The following ADARB2 variants were observed in gnomAD, a reference collection of about 807,000 sequenced individuals.
The protein encoded by ADARB2 is inactive double-stranded RNA-specific editase B2.
ADARB2 carries 25 observed loss-of-function variants against 62.2 expected under a neutral mutation model. That is an observed-to-expected ratio of 0.40 (90% CI 0.29 to 0.56). The LOEUF (loss-of-function observed/expected upper bound fraction) is 0.56. ADARB2 is among the 20% of genes least tolerant of loss of function. ADARB2 has a pLI of 0.43. For missense variants in ADARB2, 1,071 were observed against 1,077.4 expected (o/e 0.99, Z 0.08); for synonymous variants, 572 against 500.8 (o/e 1.14, Z -1.90).
At chr10:1,373,530 T>G (rs1832392795) in intron 2 of ADARB2, among the ~76,000 whole-genome samples, 1 of 152,226 alleles carries the variant, frequency 6.6e-6, no homozygotes, top group Admixed American at 6.5e-5. Context: ...TGTGTGACTG[T>G]GTGACTGTGT....
chr10:1,387,989 A>G (rs949739026), intron 1 of ADARB2, among the ~76,000 whole-genome samples: 5 of 152,068 alleles, frequency 3.3e-5, no homozygotes, highest in Admixed American at 3.3e-4. Flanking sequence ...TAAAGGGGGA[A>G]AAATAATAGT....
intron 1 of ADARB2, among the ~76,000 whole-genome samples, chr10:1,594,215 CA>C (rs1217194683): frequency 6.6e-6 from 1 of 152,118 alleles, no homozygotes; most frequent in African/African-American, 2.4e-5. Flanking sequence ...GCTTAAAATC[CA>C]GGAGGCAGAG....
intron 1 of ADARB2, among the ~76,000 whole-genome samples, chr10:1,700,317 A>G (rs375179437): frequency 9.0e-4 from 7 of 7,800 alleles, no homozygotes; most frequent in African/African-American, 2.5e-3. Flanking sequence ...CCACTCTACC[A>G]GGAGACCGGG....
chr10:1,437,795 C>T (rs748702959), intron 1 of ADARB2, among the ~76,000 whole-genome samples: 3 of 152,070 alleles, frequency 2.0e-5, no homozygotes, highest in Non-Finnish European at 4.4e-5. Context: ...AAAAGTGACA[C>T]GGAATGTGCA....
intron 1 of ADARB2, among the ~76,000 whole-genome samples, chr10:1,569,591 G>A (rs1191564503): frequency 6.6e-6 from 1 of 152,188 alleles, no homozygotes; most frequent in African/African-American, 2.4e-5. Flanking sequence ...CTGCAGAGGA[G>A]GAGGCCTTTG....
intron 1 of ADARB2, among the ~76,000 whole-genome samples, chr10:1,478,222 A>C (rs1221925199): frequency 1.3e-5 from 2 of 152,150 alleles, no homozygotes; most frequent in Non-Finnish European, 1.5e-5. Flanking sequence ...ATTCTCTTTC[A>C]TGTCTCAGTA....
intron 1 of ADARB2, among the ~76,000 whole-genome samples, chr10:1,616,621 C>T: frequency 7.0e-6 from 1 of 142,784 alleles, no homozygotes; most frequent in Non-Finnish European, 1.5e-5. Flanking sequence ...GGGTTGCATT[C>T]TGTCGCTAGA....
chr10:1,211,026 A>G (rs780965088), intron 7 of ADARB2, among the ~76,000 whole-genome samples: 19 of 152,136 alleles, frequency 1.2e-4, no homozygotes, highest in Non-Finnish European at 2.4e-4. Context: ...GGTGTTGCCA[A>G]TGGCGCTGTG....
intron 1 of ADARB2, among the ~76,000 whole-genome samples, chr10:1,407,228 CA>C (rs1256252160): frequency 1.3e-5 from 2 of 152,228 alleles, no homozygotes; most frequent in Non-Finnish European, 2.9e-5. Context: ...AGCACAGGAA[CA>C]GCCGGGCAGC....
At chr10:1,665,893 T>C (rs937890036) in intron 1 of ADARB2, among the ~76,000 whole-genome samples, 2 of 151,944 alleles carry the variant, frequency 1.3e-5, no homozygotes, top group African/African-American at 4.8e-5. Flanking sequence ...CCACAGTAAA[T>C]GAGGGTGCGG....
intron 1 of ADARB2, among the ~76,000 whole-genome samples, chr10:1,675,586 G>A (rs1026883461): frequency 4.0e-5 from 6 of 151,286 alleles, no homozygotes; most frequent in African/African-American, 1.2e-4. Flanking sequence ...AGGGATGCAC[G>A]GAAGTTCTGG....
chr10:1,718,693 G>A (rs575926062), intron 1 of ADARB2, among the ~76,000 whole-genome samples: 1 of 152,164 alleles, frequency 6.6e-6, no homozygotes, highest in Non-Finnish European at 1.5e-5. Flanking sequence ...CTTTACCTAG[G>A]GGGGCAGCAC....
In ADARB2 at chr10:1,565,337, C is replaced by T. The variant is rs115166240; in HGVS notation, c.100+171714G>A. On this transcript the variant is annotated intron_variant, in intron 1 of 9. Transcript: ENST00000381312. ...AAAAATCATTGCCTGCAACACAGATCGAATGCGTCTTCATGAACCACTATA... is the reference window on the plus strand; with the variant it reads ...AAAAATCATTGCCTGCAACACAGATTGAATGCGTCTTCATGAACCACTATA... 1.8e-3 allele frequency among the ~76,000 whole-genome samples: 279 copies of T among 152,256 alleles called. 3 individuals carry two copies. The highest frequency in any genetic ancestry group is 6.4e-3 in the African/African-American group (266 of 41,546).
intron 1 of ADARB2, among the ~76,000 whole-genome samples, chr10:1,409,206 C>T (rs191906580): frequency 1.5e-4 from 13 of 86,586 alleles, no homozygotes; most frequent in Admixed American, 1.5e-4. Context: ...TGCCTGACAG[C>T]GGGCTCCCAC....
At chr10:1,563,442 G>T (rs1475455277) in intron 1 of ADARB2, among the ~76,000 whole-genome samples, 1 of 152,104 alleles carries the variant, frequency 6.6e-6, no homozygotes, top group Admixed American at 6.5e-5. Context: ...GATGCTTGCT[G>T]CTGGCTATAG....
chr10:1,520,735 A>T (rs1050933707), intron 1 of ADARB2, among the ~76,000 whole-genome samples: 2 of 152,122 alleles, frequency 1.3e-5, no homozygotes, highest in Non-Finnish European at 2.9e-5. Flanking sequence ...AATATGTATC[A>T]CCTCCTATGA....
chr10:1,373,140 A>T (rs1458334086), intron 2 of ADARB2, among the ~76,000 whole-genome samples: 1 of 152,168 alleles, frequency 6.6e-6, no homozygotes, highest in Non-Finnish European at 1.5e-5. Flanking sequence ...AAACAATCCT[A>T]AAGTTCATAT....
intron 3 of ADARB2, among the ~76,000 whole-genome samples, chr10:1,334,109 G>A (rs534918219): frequency 2.0e-5 from 3 of 152,304 alleles, no homozygotes; most frequent in African/African-American, 7.2e-5. Flanking sequence ...ATGGCAAGAC[G>A]CAGACTCATG....
chr10:1,383,659 G>T (rs761456228), intron 1 of ADARB2, among the ~76,000 whole-genome samples: 1 of 152,184 alleles, frequency 6.6e-6, no homozygotes. Flanking sequence ...TGGTTACTTG[G>T]TTATTAGTCA....
Sources: gnomAD v4.1 joint callset for allele counts (sites outside exome capture counted in the v4.1 genomes callset) on GRCh38, gnomAD v4.1.1 for gene constraint, MANE v1.5 for transcripts, NCBI Gene and HGNC (gene_info 2026-07-23, HGNC 2026-07-21) for gene names.